Variants in PLD5 observed in about 807,000 individuals in gnomAD.
PLD5 encodes the protein inactive phospholipase D5.
PLD5 carries 36 observed loss-of-function variants against 61.1 expected under a neutral mutation model. The ratio of observed to expected loss-of-function variants is 0.59; its 90% CI spans 0.45 to 0.78. PLD5 has a LOEUF of 0.78. Ranked by LOEUF, PLD5 falls within the 30% of genes least tolerant of loss-of-function variation. The pLI, the probability that PLD5 is intolerant of heterozygous loss-of-function variation, is 0.00. For synonymous variants in PLD5, 243 were observed against 242.8 expected, an observed-to-expected ratio of 1.00 and a Z score of -0.01; for missense variants, 515 against 644.4, an observed-to-expected ratio of 0.80 and a Z score of 2.17.
At chr1:242,453,244 G>A (rs1166156700) in intron 1 of PLD5, among the ~76,000 whole-genome samples, 1 of 152,142 alleles carries the variant, frequency 6.6e-6, no homozygotes, top group African/African-American at 2.4e-5. Flanking sequence ...GCACCATCTA[G>A]GAACCAGGAA....
In PLD5 at chr1:242,149,670, TACACAC is replaced by T. The variant is rs58100712; in HGVS notation, c.736-25011_736-25006del. Reference sequence around the variant, plus strand: ...TCAGAAGACTTAAGTTTTATACACATACACACACACACACACACACACACACAGATT... The same window carrying T: ...TCAGAAGACTTAAGTTTTATACACATACACACACACACACACACACAGATT... On this transcript the variant is annotated intron_variant, in intron 5 of 9. Coordinates refer to ENST00000536534, the MANE Select transcript of PLD5 (RefSeq NM_001372062.1). 1.3e-3 allele frequency among the ~76,000 whole-genome samples: 190 copies of T among 146,686 alleles called. 1 individual carries two copies. The highest frequency in any genetic ancestry group is 6.9e-3 in the Middle Eastern group (2 of 288).
At chr1:242,177,345 C>T (rs1030021384) in intron 5 of PLD5, among the ~76,000 whole-genome samples, 3 of 152,056 alleles carry the variant, frequency 2.0e-5, no homozygotes, top group Non-Finnish European at 2.9e-5. Flanking sequence ...TGTTCTCACT[C>T]ATAAGTGAGA....
At chr1:242,232,997 A>C (rs1365376805) in intron 4 of PLD5, among the ~76,000 whole-genome samples, 4 of 152,174 alleles carry the variant, frequency 2.6e-5, no homozygotes, top group African/African-American at 9.7e-5. Context: ...TCTACAAAAA[A>C]TAAAAAATTA....
intron 1 of PLD5, among the ~76,000 whole-genome samples, chr1:242,410,787 AG>A (rs536689581): frequency 6.6e-5 from 10 of 152,228 alleles, no homozygotes; most frequent in Non-Finnish European, 1.5e-4. Context: ...TTTCAACCTC[AG>A]GCATAAATGG....
chr1:242,411,061 A>G (rs149916521), intron 1 of PLD5, among the ~76,000 whole-genome samples: 2,056 of 152,312 alleles, frequency 0.013, 136 homozygotes, highest in Admixed American at 0.12. Flanking sequence ...ATGATCTAAG[A>G]TGACTTTGAT....
At chr1:242,419,572 ATTTTTTTTT>A (rs767869905) in intron 1 of PLD5, among the ~76,000 whole-genome samples, 1 of 97,090 alleles carries the variant, frequency 1.0e-5, no homozygotes, top group Non-Finnish European at 1.8e-5. Context: ...AATTTTTTGC[ATTTTTTTTT>A]TTTTTTTTTT....
chr1:242,423,987 AC>A lies in PLD5; in HGVS notation c.190-75746del, dbSNP rs796619191. Among the ~76,000 whole-genome samples the A allele has an allele frequency of 7.1e-5, 6 of 84,208 alleles. No individual in the cohort carries two copies. In the South Asian group the frequency reaches 1.7e-3, roughly 24 times the overall value. 55.2% of individuals were successfully genotyped at this position (84,208 alleles called of 152,430 possible). ...CCTCAGATGAAACTGATGCCAACAAACTCCTCACAACGTTTCTTCATATGTA... is the reference window on the plus strand; with the variant it reads ...CCTCAGATGAAACTGATGCCAACAAATCCTCACAACGTTTCTTCATATGTA... On this transcript the variant is annotated intron_variant, in intron 1 of 9. Coordinates refer to ENST00000536534, the MANE Select transcript of PLD5 (RefSeq NM_001372062.1).
At chr1:242,502,443 G>T (rs1668583487) in intron 1 of PLD5, among the ~76,000 whole-genome samples, 2 of 152,130 alleles carry the variant, frequency 1.3e-5, no homozygotes, top group African/African-American at 4.8e-5. Flanking sequence ...TAACAGGAGA[G>T]AATTATATAA....
At chr1:242,121,511 T>C (rs1353291334) in intron 6 of PLD5, among the ~76,000 whole-genome samples, 4 of 151,722 alleles carry the variant, frequency 2.6e-5, no homozygotes, top group Non-Finnish European at 1.5e-5. Context: ...AAATAGAAAA[T>C]AAAACAGGAA....
In PLD5 at chr1:242,524,247, CG is replaced by C; in HGVS notation, c.29del (p.Ser10TrpfsTer11). ...GCTCGAAGCCCTCATGGGGGGAGGCCGAGAGCCACTCGTGCTGCCGGATCTC... is the reference window on the plus strand; with the variant it reads ...GCTCGAAGCCCTCATGGGGGGAGGCCAGAGCCACTCGTGCTGCCGGATCTC... Reference protein sequence around the residue: MEIRQHEWLSASPHEGFEQM... With the variant: MEIRQHEWLXASPHEGFEQM... On this transcript the variant is annotated frameshift_variant, in exon 1 of 10. Coordinates refer to ENST00000536534, the MANE Select transcript of PLD5 (RefSeq NM_001372062.1). LOFTEE classifies it high-confidence loss of function. 1 of 1,497,438 alleles carries C rather than the reference CG, an allele frequency of 6.7e-7. No individual in the cohort carries two copies. 92.8% of individuals were successfully genotyped at this position (1,497,438 alleles called of 1,614,324 possible).
chr1:242,194,603 T>TATCTATCTA lies in PLD5; in HGVS notation c.735+25384_735+25385insTAGATAGAT, dbSNP rs1193250766. 1.2e-3 allele frequency among the ~76,000 whole-genome samples: 91 copies of TATCTATCTA among 74,382 alleles called. 2 individuals are homozygous for TATCTATCTA. Among genetic ancestry groups the TATCTATCTA allele is most frequent in the African/African-American group, 5.5e-3 (89 of 16,134 alleles). 48.8% of individuals were successfully genotyped at this position (74,382 alleles called of 152,430 possible). A position where few individuals can be genotyped will look rare whatever the true frequency, so the allele number is the denominator to read the frequency against. On this transcript the variant is annotated intron_variant, in intron 5 of 9. Transcript: ENST00000536534. ...CTATCTATCTATCTATCTATCTATC[T>TATCTATCTA]ATGTATCTATCTATGTATCTATCTA...
At chr1:242,440,469 G>A (rs1666221000) in intron 1 of PLD5, among the ~76,000 whole-genome samples, 1 of 152,208 alleles carries the variant, frequency 6.6e-6, no homozygotes, top group South Asian at 2.1e-4. Context: ...ATTAAAGACT[G>A]AGCATGATTC....
intron 1 of PLD5, among the ~76,000 whole-genome samples, chr1:242,473,548 T>C (rs2102952227): frequency 6.6e-6 from 1 of 152,356 alleles, no homozygotes; most frequent in South Asian, 2.1e-4. Context: ...AGTATAGGTA[T>C]GCTCTATAAC....
At chr1:242,303,520 G>A (rs1274674493) in intron 2 of PLD5, among the ~76,000 whole-genome samples, 3 of 152,184 alleles carry the variant, frequency 2.0e-5, no homozygotes, top group Non-Finnish European at 4.4e-5. Flanking sequence ...GTTTGCCTTA[G>A]GGCCTCCGAA....
At chr1:242,387,918 G>T (rs868534608) in intron 1 of PLD5, among the ~76,000 whole-genome samples, 5 of 152,174 alleles carry the variant, frequency 3.3e-5, no homozygotes, top group Admixed American at 6.5e-5. Flanking sequence ...GGTCTTGTTT[G>T]CTAGGTTGTT....
chr1:242,486,372 A>T (rs2102969697), intron 1 of PLD5, among the ~76,000 whole-genome samples: 1 of 151,940 alleles, frequency 6.6e-6, no homozygotes, highest in Non-Finnish European at 1.5e-5. Flanking sequence ...TTACAAGAAA[A>T]AAACAACCCC....
chr1:242,524,088 G>A lies in PLD5; in HGVS notation c.189C>T (p.His63=), dbSNP rs2810008. 486,131 of 1,533,146 alleles carry A rather than the reference G, an allele frequency of 0.32. 78,883 individuals are homozygous for A. The highest frequency in any genetic ancestry group is 0.36 in the Admixed American group (18,355 of 50,892). 95.0% of individuals were successfully genotyped at this position (1,533,146 alleles called of 1,614,324 possible). ...GCCCCCGGGAGCGAGTCGCCCTTACGTGCTCCAGCTTGTCTTTCCTCCGAA... is the reference window on the plus strand; with the variant it reads ...GCCCCCGGGAGCGAGTCGCCCTTACATGCTCCAGCTTGTCTTTCCTCCGAA... ...VWLRRKDKLE[H]SQQKCIVIFA... is the part of the protein sequence containing the mutation. The change falls in exon 1 of 10, where the codon CAC becomes CAT. Residue 63 remains histidine (H), a splice_region_variant and synonymous_variant. Transcript: ENST00000536534.
intron 2 of PLD5, among the ~76,000 whole-genome samples, chr1:242,329,052 A>G (rs1194051467): frequency 6.6e-6 from 1 of 151,846 alleles, no homozygotes; most frequent in African/African-American, 2.4e-5. Flanking sequence ...TCTGTCACCC[A>G]GGGTGGAGTG....
chr1:242,240,549 GT>G (rs1280717663), intron 4 of PLD5, among the ~76,000 whole-genome samples: 3 of 152,082 alleles, frequency 2.0e-5, no homozygotes, highest in African/African-American at 2.4e-5. Context: ...GCCTGAGGGA[GT>G]TTTTTTCCCT....
Sources: gnomAD v4.1 joint callset for allele counts (sites outside exome capture counted in the v4.1 genomes callset) on GRCh38, gnomAD v4.1.1 for gene constraint, MANE v1.5 for transcripts, NCBI Gene and HGNC (gene_info 2026-07-23, HGNC 2026-07-21) for gene names.